IFIT1B: variants seen among roughly 807,000 people sequenced by gnomAD.
IFIT1B encodes protein IFIT1 homolog B.
IFIT1B carries 3 observed loss-of-function variants against 2.5 expected under a neutral mutation model. That is an observed-to-expected ratio of 1.21 (90% CI 0.55 to 3.14). The LOEUF (loss-of-function observed/expected upper bound fraction) is 3.14. Ranked by LOEUF, IFIT1B falls within the 30% of genes most tolerant of loss-of-function variation. The probability of loss-of-function intolerance (pLI) is 0.03; values close to 1 mark genes in which losing one functional copy is unlikely to be tolerated. For synonymous variants in IFIT1B, 196 were observed against 203.0 expected, an observed-to-expected ratio of 0.97 and a Z score of 0.29; for missense variants, 545 against 556.5, an observed-to-expected ratio of 0.98 and a Z score of 0.21.
intron 1 of IFIT1B, among the ~76,000 whole-genome samples, chr10:89,378,997 T>C (rs1251232993): frequency 6.6e-6 from 1 of 152,210 alleles, no homozygotes; most frequent in Non-Finnish European, 1.5e-5. Context: ...GGCAAGAGCA[T>C]TGAGATCCTT....
chr10:89,384,801 A>G lies in IFIT1B; in HGVS notation c.*63A>G, dbSNP rs1844193700. On this transcript the variant is annotated 3_prime_UTR_variant, in exon 2 of 2. Transcript: ENST00000371809. ...CTAAATAGAATGACTATGAAATTAA[A>G]TAATGCAAACTTAAAGCTGTTGGAA... 1.3e-5 allele frequency: 18 copies of G among 1,362,782 alleles called. No homozygotes were observed. In the South Asian group the frequency reaches 2.4e-4, roughly 18 times the overall value. 84.4% of individuals were successfully genotyped at this position (1,362,782 alleles called of 1,614,324 possible).
rs142404774 is a variant in IFIT1B, at chr10:89,384,081, T to C, written c.768T>C (p.Tyr256=). The C allele has an allele frequency of 1.2e-6, 2 of 1,614,096 alleles. No homozygotes were observed. The highest frequency in any genetic ancestry group is 8.5e-7 in the Non-Finnish European group (1 of 1,180,054). Residue 256 remains tyrosine, a synonymous_variant, in exon 2 of 2, where the codon TAT becomes TAC. Transcript: ENST00000371809. Reference sequence around the variant, plus strand: ...CTTCACAGGCCTATGTCTTTCAATATGCAGCCAAGTTTTATCGAAGAAAAG... The same window carrying C: ...CTTCACAGGCCTATGTCTTTCAATACGCAGCCAAGTTTTATCGAAGAAAAG... ...SISSQAYVFQ[Y]AAKFYRRKGS... is the part of the protein sequence containing the mutation.
In IFIT1B at chr10:89,384,611, A is replaced by G; in HGVS notation, c.1298A>G (p.Asn433Ser). ...TTGGCTAAAAGATGTATTCACCAGA[A>G]TGTACGGGTTGTGGAAAGTGTCAGC... Reference protein sequence around the residue: ...EKLAKRCIHQNVRVVESVSLL... With the variant: ...EKLAKRCIHQSVRVVESVSLL... Residue 433 changes from asparagine (N) to serine (S), a missense_variant, in exon 2 of 2, where the codon AAT becomes AGT. By Grantham distance (46) the Asn-to-Ser change is conservative (BLOSUM62 1). Transcript: ENST00000371809. 6.2e-7 allele frequency: 1 copy of G among 1,614,206 alleles called. No homozygotes were observed. Among genetic ancestry groups the G allele is most frequent in the Non-Finnish European group, 8.5e-7 (1 of 1,180,010 alleles).
chr10:89,385,020 C>A lies in IFIT1B; in HGVS notation c.*282C>A, dbSNP rs1231135195. 5.5e-6 allele frequency: 2 copies of A among 363,560 alleles called. No homozygotes were observed. The highest frequency in any genetic ancestry group is 4.3e-5 in the Admixed American group (1 of 23,294). 22.5% of individuals were successfully genotyped at this position (363,560 alleles called of 1,614,324 possible). On this transcript the variant is annotated 3_prime_UTR_variant, in exon 2 of 2. Coordinates refer to ENST00000371809, the MANE Select transcript of IFIT1B (RefSeq NM_001010987.2). ...TTTCTTGGAACATAGCAAGTAGTAA[C>A]CGATCAAATTGCTATAACGTGTGTA...
chr10:89,379,705 G>T (rs1844147806), intron 1 of IFIT1B, among the ~76,000 whole-genome samples: 1 of 152,068 alleles, frequency 6.6e-6, no homozygotes, highest in Non-Finnish European at 1.5e-5. Context: ...GAGTACCCAA[G>T]TCTCTCTTTT....
Position 89,378,170 on chromosome 10 carries a change from A to T in IFIT1B, c.5+30A>T, listed in dbSNP as rs190862083. Reference sequence around the variant, plus strand: ...AGTCTTTCTCTGCTTCACTGACCTTATTTCTGCACACTTTGAAATTCTAAA... The same window carrying T: ...AGTCTTTCTCTGCTTCACTGACCTTTTTTCTGCACACTTTGAAATTCTAAA... On this transcript the variant is annotated intron_variant, in intron 1 of 1. Transcript: ENST00000371809. 4.0e-5 allele frequency: 64 copies of T among 1,612,328 alleles called. No individual in the cohort carries two copies. The East Asian group carries it at 1.2e-3, about 31-fold the overall frequency.
At chr10:89,381,728 C>T (rs1045701874) in intron 1 of IFIT1B, among the ~76,000 whole-genome samples, 9 of 152,238 alleles carry the variant, frequency 5.9e-5, no homozygotes, top group African/African-American at 2.2e-4. Context: ...CTTTGTGGTG[C>T]TATTCATTAT....
chr10:89,380,651 G>C (rs1033273994), intron 1 of IFIT1B, among the ~76,000 whole-genome samples: 1 of 152,032 alleles, frequency 6.6e-6, no homozygotes, highest in East Asian at 1.9e-4. Flanking sequence ...CATGCTGGTC[G>C]TGAACTCCTG....
In IFIT1B at chr10:89,383,883, A is replaced by G; in HGVS notation, c.570A>G (p.Lys190=). Residue 190 remains lysine (K), a synonymous_variant, in exon 2 of 2, where the codon AAA becomes AAG. Coordinates refer to ENST00000371809, the MANE Select transcript of IFIT1B (RefSeq NM_001010987.2). ...GYAITVYRLD[K]FNTASGRNKA... The stretch of plus-strand genomic sequence containing the variant: ...CAATCACCGTCTATCGCCTGGATAA[A>G]TTTAACACAGCATCAGGGAGGAATA... 6.2e-7 allele frequency: 1 copy of G among 1,614,224 alleles called. No homozygotes were observed. The highest frequency in any genetic ancestry group is 8.5e-7 in the Non-Finnish European group (1 of 1,180,044).
In IFIT1B at chr10:89,383,924, A is replaced by G. The variant is rs1844183293; in HGVS notation, c.611A>G (p.His204Arg). 2 of 1,614,210 alleles carry G rather than the reference A, an allele frequency of 1.2e-6. No individual in the cohort carries two copies. The highest frequency in any genetic ancestry group is 1.7e-6 in the Non-Finnish European group (2 of 1,180,034). The change falls in exon 2 of 2, where the codon CAC becomes CGC. Residue 204 changes from histidine to arginine, a missense_variant. Transcript: ENST00000371809. ...ASGRNKAFSLHVLKRAVRLNP... is the reference protein window; with the variant it reads ...ASGRNKAFSLRVLKRAVRLNP... ...GGGAGGAATAAGGCATTTTCTCTGC[A>G]CGTCCTAAAACGAGCTGTCAGGCTA...
At chr10:89,378,247 C>G (rs1844137032) in intron 1 of IFIT1B, 107 bp downstream of exon 1, 1 of 1,127,800 alleles carries the variant, frequency 8.9e-7, no homozygotes, top group African/African-American at 1.5e-5. Context: ...GGGAGCTGTC[C>G]CACTGGTGGT....
At chr10:89,382,070 G>A (rs1055541892) in intron 1 of IFIT1B, among the ~76,000 whole-genome samples, 5 of 152,036 alleles carry the variant, frequency 3.3e-5, no homozygotes, top group Admixed American at 1.3e-4. Flanking sequence ...ACACCTGGCC[G>A]TGAACTTTTT....
chr10:89,384,619 G>C lies in IFIT1B; in HGVS notation c.1306G>C (p.Val436Leu). The C allele has an allele frequency of 6.2e-7, 1 of 1,614,182 alleles. No homozygotes were observed. The highest frequency in any genetic ancestry group is 8.5e-7 in the Non-Finnish European group (1 of 1,179,982). ...AKRCIHQNVR[V>L]VESVSLLGLI... is the part of the protein sequence containing the mutation. Reference sequence around the variant, plus strand: ...AAGATGTATTCACCAGAATGTACGGGTTGTGGAAAGTGTCAGCCTCCTTGG... The same window carrying C: ...AAGATGTATTCACCAGAATGTACGGCTTGTGGAAAGTGTCAGCCTCCTTGG... The change falls in exon 2 of 2, where the codon GTT becomes CTT. Residue 436 changes from valine to leucine, a missense_variant. Val to Leu is a conservative substitution (Grantham distance 32, BLOSUM62 1). Coordinates refer to ENST00000371809, the MANE Select transcript of IFIT1B (RefSeq NM_001010987.2).
chr10:89,379,356 A>AT (rs373259566), intron 1 of IFIT1B, among the ~76,000 whole-genome samples: 177 of 152,328 alleles, frequency 1.2e-3, no homozygotes, highest in African/African-American at 4.0e-3. Context: ...TCTGTGTGTT[A>AT]TAAGTTTTCC....
intron 1 of IFIT1B, among the ~76,000 whole-genome samples, chr10:89,379,205 C>T (rs762021237): frequency 6.6e-6 from 1 of 152,118 alleles, no homozygotes. Context: ...ATGAAATTTG[C>T]TTTTCACTGA....
In IFIT1B at chr10:89,384,725, A is replaced by C. The variant is rs138308457; in HGVS notation, c.1412A>C (p.Asn471Thr). ...ERALRLAADL[N>T]PIF ...GCTCTGAGGCTGGCTGCTGACCTGA[A>C]CCCTATATTTTAACATAGAGGTCAC... Residue 471 changes from asparagine to threonine, a missense_variant, in exon 2 of 2, where the codon AAC (asparagine) becomes ACC (threonine). By Grantham distance (65) the Asn-to-Thr change is moderately conservative. Transcript: ENST00000371809. 43 of 1,607,018 alleles carry C rather than the reference A, an allele frequency of 2.7e-5. No individual in the cohort carries two copies. In the African/African-American group the frequency reaches 5.4e-4, roughly 20 times the overall value.
chr10:89,381,610 A>G lies in IFIT1B; in HGVS notation c.6-1709A>G, dbSNP rs545052037. On this transcript the variant is annotated intron_variant, in intron 1 of 1. Transcript: ENST00000371809. ...GAATGCACTCAAGGAGGGTCTAAGC[A>G]TAGTAGGGAGTTTTTTAGATGGAGA... 2.6e-5 allele frequency among the ~76,000 whole-genome samples: 4 copies of G among 152,258 alleles called. 1 individual carries two copies. The South Asian group carries it at 8.3e-4, about 32-fold the overall frequency.
rs764241446 is a variant in IFIT1B, at chr10:89,383,798, C to T, written c.485C>T (p.Thr162Ile). Residue 162 changes from threonine to isoleucine, a missense_variant, in exon 2 of 2, where the codon ACC becomes ATC. Thr to Ile is a moderately conservative substitution (Grantham distance 89, BLOSUM62 -1). Transcript: ENST00000371809. ...CGGKNYERAK[T>I]CFEKALEGNP... ...GGAAAGAATTATGAACGGGCCAAGA[C>T]CTGCTTTGAAAAGGCTCTGGAAGGG... 6.2e-7 allele frequency: 1 copy of T among 1,614,188 alleles called. No individual in the cohort carries two copies. The highest frequency in any genetic ancestry group is 8.5e-7 in the Non-Finnish European group (1 of 1,180,046).
At position 89,383,696 on chromosome 10, in the gene IFIT1B, T is replaced by G; in HGVS notation, c.383T>G (p.Phe128Cys). Residue 128 changes from phenylalanine to cysteine, a missense_variant, in exon 2 of 2, where the codon TTT becomes TGT. Phe to Cys is a radical substitution (Grantham distance 205, BLOSUM62 -2). Coordinates refer to ENST00000371809, the MANE Select transcript of IFIT1B (RefSeq NM_001010987.2). ...AAGGTGGAGAACACTTGCAAGAAGT[T>G]TGCAAATCCTTCCCGCTATAGAATG... ...LDKVENTCKK[F>C]ANPSRYRMEC... The G allele has an allele frequency of 6.2e-7, 1 of 1,614,236 alleles. No individual in the cohort carries two copies. The highest frequency in any genetic ancestry group is 2.2e-5 in the East Asian group (1 of 44,886).
Sources: gnomAD v4.1 joint callset for allele counts (sites outside exome capture counted in the v4.1 genomes callset) on GRCh38, gnomAD v4.1.1 for gene constraint, MANE v1.5 for transcripts, NCBI Gene and HGNC (gene_info 2026-07-23, HGNC 2026-07-21) for gene names.